Variants in MBOAT2 observed in about 807,000 individuals in gnomAD.
The protein encoded by MBOAT2 is membrane bound glycerophospholipid O-acyltransferase 2.
In MBOAT2, 28 loss-of-function variants were observed where a neutral mutation model predicts 63.4. The observed-to-expected ratio is 0.44, with a 90% CI of 0.33 to 0.61. The LOEUF is 0.61. Among genes scored for constraint, MBOAT2 ranks in the 20% least tolerant of loss-of-function variants. The pLI, the probability that MBOAT2 is intolerant of heterozygous loss-of-function variation, is 0.03. For missense variants in MBOAT2, 470 were observed against 605.8 expected, an observed-to-expected ratio of 0.78 and a Z score of 2.35; for synonymous variants, 211 against 215.6, an observed-to-expected ratio of 0.98 and a Z score of 0.19.
intron 1 of MBOAT2, among the ~76,000 whole-genome samples, chr2:8,997,032 T>A (rs977554466): frequency 6.6e-6 from 1 of 152,184 alleles, no homozygotes; most frequent in Admixed American, 6.5e-5. Flanking sequence ...CCAGTGCCTG[T>A]TCCGATCTCC....
intron 2 of MBOAT2, among the ~76,000 whole-genome samples, chr2:8,955,596 A>G (rs1669158041): frequency 6.6e-6 from 1 of 152,214 alleles, no homozygotes; most frequent in Non-Finnish European, 1.5e-5. Context: ...AGGAACACTG[A>G]AAGTCTCTAA....
chr2:8,940,596 A>G (rs1202760151), intron 3 of MBOAT2, among the ~76,000 whole-genome samples: 1 of 152,202 alleles, frequency 6.6e-6, no homozygotes, highest in East Asian at 1.9e-4. Flanking sequence ...CCTGGCCTAG[A>G]TAACATTTTA....
At chr2:8,891,248 G>A (rs140726384) in intron 4 of MBOAT2, among the ~76,000 whole-genome samples, 37 of 152,328 alleles carry the variant, frequency 2.4e-4, no homozygotes, top group Admixed American at 4.6e-4. Context: ...AATTATCATA[G>A]GGAACTATGC....
intron 2 of MBOAT2, among the ~76,000 whole-genome samples, chr2:8,949,386 A>T (rs367696482): frequency 6.7e-6 from 1 of 148,332 alleles, no homozygotes; most frequent in East Asian, 1.9e-4. Context: ...GCTTTTGAGG[A>T]CTTAGTCATA....
chr2:8,935,051 T>C (rs976776564), intron 3 of MBOAT2, among the ~76,000 whole-genome samples: 3 of 152,096 alleles, frequency 2.0e-5, no homozygotes, highest in African/African-American at 7.2e-5. Flanking sequence ...TGGATTGAGA[T>C]AGAGGCCATG....
At chr2:8,969,696 C>CA (rs1175110150) in intron 1 of MBOAT2, among the ~76,000 whole-genome samples, 3 of 151,666 alleles carry the variant, frequency 2.0e-5, no homozygotes, top group Non-Finnish European at 2.9e-5. Context: ...AAATGGAAAA[C>CA]AAAAAAAGGC....
chr2:8,981,710 G>A (rs1558681342), intron 1 of MBOAT2, among the ~76,000 whole-genome samples: 1 of 152,134 alleles, frequency 6.6e-6, no homozygotes, highest in Non-Finnish European at 1.5e-5. Flanking sequence ...GAGGAAGGGA[G>A]ACAGAGATGA....
intron 7 of MBOAT2, 147 bp from the exon 8 acceptor site, chr2:8,873,447 A>AT: frequency 2.6e-6 from 2 of 774,882 alleles, no homozygotes; most frequent in Non-Finnish European, 3.9e-6. Context: ...TGCACTTGGC[A>AT]TTTAAAGTCT....
chr2:8,921,094 G>A (rs190877220), intron 3 of MBOAT2, among the ~76,000 whole-genome samples: 170 of 151,932 alleles, frequency 1.1e-3, no homozygotes, highest in Non-Finnish European at 1.6e-3. Flanking sequence ...GTATTTATAC[G>A]GTCAGATTTA....
chr2:8,913,549 T>C (rs958400123), intron 3 of MBOAT2, among the ~76,000 whole-genome samples: 3 of 152,016 alleles, frequency 2.0e-5, no homozygotes, highest in African/African-American at 7.3e-5. Flanking sequence ...AAAGAAGATA[T>C]ACAAATGGCC....
intron 2 of MBOAT2, among the ~76,000 whole-genome samples, chr2:8,951,473 G>C (rs1668830590): frequency 6.6e-6 from 1 of 152,126 alleles, no homozygotes; most frequent in African/African-American, 2.4e-5. Flanking sequence ...CCAATGTGCT[G>C]GGATTACAAG....
At chr2:8,932,093 C>T (rs1667360443) in intron 3 of MBOAT2, among the ~76,000 whole-genome samples, 2 of 152,232 alleles carry the variant, frequency 1.3e-5, no homozygotes, top group African/African-American at 4.8e-5. Context: ...CCTGTCTTTT[C>T]CATAACTACT....
chr2:8,991,021 C>T (rs1329940162), intron 1 of MBOAT2, among the ~76,000 whole-genome samples: 5 of 152,170 alleles, frequency 3.3e-5, no homozygotes, highest in African/African-American at 1.2e-4. Flanking sequence ...AACCAAAAAT[C>T]TCTGTCACTG....
intron 3 of MBOAT2, among the ~76,000 whole-genome samples, chr2:8,937,051 G>C (rs181396882): frequency 1.2e-3 from 189 of 152,224 alleles, no homozygotes; most frequent in African/African-American, 4.0e-3. Flanking sequence ...CCTATGTTCG[G>C]CCCTTCCCTC....
chr2:8,969,419 G>T (rs1670273639), intron 1 of MBOAT2, among the ~76,000 whole-genome samples: 1 of 152,200 alleles, frequency 6.6e-6, no homozygotes, highest in African/African-American at 2.4e-5. Context: ...GCAAAAACAT[G>T]CCAAATTGTA....
chr2:8,989,029 A>G (rs900418193), intron 1 of MBOAT2, among the ~76,000 whole-genome samples: 4 of 152,222 alleles, frequency 2.6e-5, no homozygotes, highest in African/African-American at 7.2e-5. Flanking sequence ...AGGGAAACAA[A>G]TGTTTGCAGA....
intron 3 of MBOAT2, among the ~76,000 whole-genome samples, chr2:8,942,660 C>T (rs1007135857): frequency 6.6e-6 from 1 of 152,214 alleles, no homozygotes; most frequent in Admixed American, 6.5e-5. Flanking sequence ...GGACTCCCCA[C>T]CTCAGAAGAC....
chr2:8,971,187 C>T (rs564993967), intron 1 of MBOAT2, among the ~76,000 whole-genome samples: 24 of 152,360 alleles, frequency 1.6e-4, no homozygotes, highest in African/African-American at 5.5e-4. Flanking sequence ...TGGGCTTCAA[C>T]CCTGGGATGC....
chr2:8,859,034 T>C, intron 12 of MBOAT2, 130 bp from the exon 13 acceptor site: 2 of 697,740 alleles, frequency 2.9e-6, no homozygotes, highest in Non-Finnish European at 4.7e-6. Flanking sequence ...ATTATTCTTT[T>C]ATTTTTCCCC....
Sources: allele counts gnomAD v4.1 joint callset (sites outside exome capture counted in the v4.1 genomes callset), GRCh38; gene constraint gnomAD v4.1.1; transcripts MANE v1.5; gene names NCBI Gene and HGNC (gene_info 2026-07-23, HGNC 2026-07-21).